Variants in CEP70 observed in about 807,000 individuals in gnomAD.
The protein encoded by CEP70 is centrosomal protein 70.
CEP70 carries 70 observed loss-of-function variants against 90.9 expected under a neutral mutation model. The ratio of observed to expected loss-of-function variants is 0.77; its 90% CI spans 0.64 to 0.94. CEP70 has a LOEUF of 0.94. CEP70 is among the 40% of genes least tolerant of loss of function. CEP70 has a pLI of 0.00. For synonymous variants in CEP70, 220 were observed against 228.3 expected (o/e 0.96, Z 0.33); for missense variants, 648 against 669.0 (o/e 0.97, Z 0.35).
At chr3:138,584,707 A>G (rs1466622688) in intron 2 of CEP70, among the ~76,000 whole-genome samples, 2 of 152,110 alleles carry the variant, frequency 1.3e-5, no homozygotes, top group Admixed American at 6.5e-5. Flanking sequence ...TGATCGTTTC[A>G]ACTGATACTG....
intron 8 of CEP70, among the ~76,000 whole-genome samples, chr3:138,530,016 A>G (rs557084942): frequency 2.0e-5 from 3 of 152,352 alleles, no homozygotes; most frequent in South Asian, 2.1e-4. Flanking sequence ...GTAAAATAGT[A>G]TCTGTCACAT....
intron 7 of CEP70, among the ~76,000 whole-genome samples, chr3:138,535,752 T>A (rs2107799877): frequency 6.6e-6 from 1 of 152,222 alleles, no homozygotes; most frequent in South Asian, 2.1e-4. Context: ...TACCCAGTCA[T>A]CTTAACTGTT....
intron 6 of CEP70, among the ~76,000 whole-genome samples, chr3:138,559,236 A>ATACCCT (rs1280509184): frequency 6.6e-6 from 1 of 152,222 alleles, no homozygotes; most frequent in Non-Finnish European, 1.5e-5. Context: ...GACATAGGGT[A>ATACCCT]GTCAATGATA....
intron 10 of CEP70, 33 bp downstream of exon 10, chr3:138,529,165 AG>A: frequency 8.2e-7 from 1 of 1,225,624 alleles, no homozygotes; most frequent in Non-Finnish European, 1.2e-6. Context: ...ACCCTGTCTC[AG>A]GAAAAAAAAA....
At chr3:138,559,708 G>A (rs2040262199) in intron 6 of CEP70, among the ~76,000 whole-genome samples, 1 of 152,192 alleles carries the variant, frequency 6.6e-6, no homozygotes, top group Non-Finnish European at 1.5e-5. Flanking sequence ...CTGGGCAACA[G>A]AGCAAGACTC....
chr3:138,520,157 A>C (rs1400806160), intron 11 of CEP70, among the ~76,000 whole-genome samples: 1 of 152,220 alleles, frequency 6.6e-6, no homozygotes, highest in Non-Finnish European at 1.5e-5. Context: ...TATGCATCCA[A>C]TACAGGAGCA....
chr3:138,571,331 A>G lies in CEP70; in HGVS notation c.95T>C (p.Ile32Thr), dbSNP rs1347961844. The G allele has an allele frequency of 6.2e-7, 1 of 1,609,814 alleles. No homozygotes were observed. Among genetic ancestry groups the G allele is most frequent in the East Asian group, 2.2e-5 (1 of 44,734 alleles). The change falls in exon 4 of 18, where the codon ATA becomes ACA. Residue 32 changes from isoleucine (I) to threonine (T), a missense_variant. Physicochemically the swap from Ile to Thr is moderately conservative, Grantham distance 89 (BLOSUM62 -1). Transcript: ENST00000264982. ...GCCATGCATCATCAATAGCACATTT[A>G]TGCTTTCCCATTCTGCTTCTTCCTG... ...KQQEEAEWESINVLLMMHGLK... is the reference protein window; with the variant it reads ...KQQEEAEWESTNVLLMMHGLK...
chr3:138,535,538 TTAA>T (rs2038191553), intron 7 of CEP70, among the ~76,000 whole-genome samples: 1 of 152,200 alleles, frequency 6.6e-6, no homozygotes, highest in African/African-American at 2.4e-5. Flanking sequence ...CGTGTAACTT[TTAA>T]TAATATCTGT....
chr3:138,539,733 G>GGTA (rs1169903249), intron 6 of CEP70, among the ~76,000 whole-genome samples: 1 of 151,986 alleles, frequency 6.6e-6, no homozygotes, highest in Non-Finnish European at 1.5e-5. Context: ...AAGAGCAAGG[G>GGTA]GTAGAAAACT....
intron 16 of CEP70, 189 bp downstream of exon 16, chr3:138,499,921 C>G: frequency 9.7e-6 from 5 of 515,500 alleles, no homozygotes; most frequent in Non-Finnish European, 1.8e-5. Flanking sequence ...CCTCCAGGAA[C>G]TCTCGATAAT....
At chr3:138,510,772 G>C (rs193045391) in intron 11 of CEP70, among the ~76,000 whole-genome samples, 176 of 151,848 alleles carry the variant, frequency 1.2e-3, no homozygotes, top group African/African-American at 4.1e-3. Context: ...AGATACCTGA[G>C]ACCTCAGAAC....
rs6439814 is a variant in CEP70 at position 138,586,905 on chromosome 3, A to G, written c.-6+4949T>C. Among the ~76,000 whole-genome samples the G allele has an allele frequency of 5.6e-3, 855 of 152,310 alleles. 8 individuals carry two copies. Among genetic ancestry groups the G allele is most frequent in the African/African-American group, 0.02 (824 of 41,566 alleles). ...CCTCATTTACCCTGATATGATTATT[A>G]TATATTATATGGTGTATCAAAATAT... is the stretch of plus-strand genomic sequence containing the variant. On this transcript the variant is annotated intron_variant, in intron 2 of 17. Transcript: ENST00000264982.
At chr3:138,502,190 C>T (rs1190815110) in intron 13 of CEP70, among the ~76,000 whole-genome samples, 1 of 152,030 alleles carries the variant, frequency 6.6e-6, no homozygotes, top group African/African-American at 2.4e-5. Context: ...AATATAAAAT[C>T]AATTATTTTA....
At chr3:138,586,477 T>C (rs1402067029) in intron 2 of CEP70, among the ~76,000 whole-genome samples, 1 of 152,206 alleles carries the variant, frequency 6.6e-6, no homozygotes, top group Non-Finnish European at 1.5e-5. Flanking sequence ...ATATACATAA[T>C]GGAGTACTAC....
At chr3:138,568,751 C>T (rs1016011540) in intron 6 of CEP70, among the ~76,000 whole-genome samples, 15 of 151,982 alleles carry the variant, frequency 9.9e-5, no homozygotes, top group African/African-American at 2.7e-4. Context: ...GAGGCTGAGG[C>T]GGGTGGATCA....
chr3:138,539,122 C>A (rs1325854461), intron 6 of CEP70, among the ~76,000 whole-genome samples: 2 of 152,176 alleles, frequency 1.3e-5, no homozygotes, highest in African/African-American at 4.8e-5. Context: ...AAGTGATTCT[C>A]CTGCCTCACC....
chr3:138,578,409 C>A (rs1466820410), intron 2 of CEP70, among the ~76,000 whole-genome samples: 1 of 152,052 alleles, frequency 6.6e-6, no homozygotes. Context: ...CACTATGGCA[C>A]TAACATGAAA....
intron 6 of CEP70, among the ~76,000 whole-genome samples, chr3:138,565,142 T>G (rs1168253570): frequency 2.0e-5 from 3 of 152,078 alleles, no homozygotes; most frequent in Non-Finnish European, 2.9e-5. Flanking sequence ...TTACAAGAGA[T>G]GTAAAGGACC....
At chr3:138,550,936 G>A (rs960709459) in intron 6 of CEP70, among the ~76,000 whole-genome samples, 1 of 152,296 alleles carries the variant, frequency 6.6e-6, no homozygotes, top group African/African-American at 2.4e-5. Context: ...CTAAAAGTTT[G>A]GAAAACGTCT....
Sources: allele counts gnomAD v4.1 joint callset (sites outside exome capture counted in the v4.1 genomes callset), GRCh38; gene constraint gnomAD v4.1.1; transcripts MANE v1.5; gene names NCBI Gene and HGNC (gene_info 2026-07-23, HGNC 2026-07-21).